PKP1: variants seen among roughly 807,000 people sequenced by gnomAD.
The protein encoded by PKP1 is plakophilin-1.
In PKP1, 27 loss-of-function variants were observed where a neutral mutation model predicts 76.4. The observed-to-expected ratio is 0.35, with a 90% CI of 0.26 to 0.49. The LOEUF (loss-of-function observed/expected upper bound fraction) is 0.49. Ranked by LOEUF, PKP1 falls within the 20% of genes least tolerant of loss-of-function variation. The pLI, the probability that PKP1 is intolerant of heterozygous loss-of-function variation, is 0.99. For synonymous variants in PKP1, 404 were observed against 384.2 expected (o/e 1.05, Z -0.60); for missense variants, 964 against 955.2 (o/e 1.01, Z -0.12).
In PKP1 at chr1:201,328,801, G is replaced by A. The variant is rs763900804; in HGVS notation, c.2146G>A (p.Ala716Thr). Residue 716 changes from alanine (A) to threonine (T), a missense_variant, in exon 13 of 14, where the codon GCC becomes ACC. Physicochemically the swap from Ala to Thr is moderately conservative, Grantham distance 58. Coordinates refer to ENST00000367324, the MANE Select transcript of PKP1 (RefSeq NM_001005337.3). ...GAACATGCTGGGAACCTTAGCTGGG[G>A]CCAACAGCCTCAGGAACTTCACCTC... ...DRNMLGTLAG[A>T]NSLRNFTSRF 7.3e-5 allele frequency: 118 copies of A among 1,614,018 alleles called. No homozygotes were observed. The highest frequency in any genetic ancestry group is 9.7e-5 in the Non-Finnish European group (115 of 1,180,012).
At chr1:201,292,120 A>G (rs1224569473) in intron 1 of PKP1, among the ~76,000 whole-genome samples, 1 of 152,146 alleles carries the variant, frequency 6.6e-6, no homozygotes, top group African/African-American at 2.4e-5. Flanking sequence ...CTCTCAGAGG[A>G]CCCTGAGGCA....
chr1:201,317,854 C>T (rs970343924), intron 5 of PKP1, 75 bp downstream of exon 5: 2 of 1,376,806 alleles, frequency 1.5e-6, no homozygotes, highest in South Asian at 2.4e-5. Context: ...GGCTGGGGTG[C>T]AAGCCTGTCT....
chr1:201,302,990 A>G (rs1656280863), intron 2 of PKP1, among the ~76,000 whole-genome samples: 2 of 152,196 alleles, frequency 1.3e-5, no homozygotes, highest in South Asian at 2.1e-4. Context: ...AGACTGGAGC[A>G]TGGTCTCCTG....
At chr1:201,305,287 G>A (rs1451714662) in intron 2 of PKP1, among the ~76,000 whole-genome samples, 1 of 152,234 alleles carries the variant, frequency 6.6e-6, no homozygotes, top group East Asian at 1.9e-4. Flanking sequence ...GGAGGCTGAG[G>A]CAAGAGGATA....
chr1:201,328,858 T>C lies in PKP1; in HGVS notation c.*22T>C. 6.2e-7 allele frequency: 1 copy of C among 1,600,340 alleles called. No individual in the cohort carries two copies. Among genetic ancestry groups the C allele is most frequent in the Non-Finnish European group, 8.6e-7 (1 of 1,167,394 alleles). On this transcript the variant is annotated 3_prime_UTR_variant, in exon 13 of 14. Coordinates refer to ENST00000367324, the MANE Select transcript of PKP1 (RefSeq NM_001005337.3). ...CTAAGAAGAGACTGTCCAAGCAAGT[T>C]AGGCTTGCAGGTAAGAATCACCCCA...
chr1:201,284,029 A>G lies in PKP1; in HGVS notation c.202+125A>G. 3 of 894,890 alleles carry G rather than the reference A, an allele frequency of 3.4e-6. No homozygotes were observed. The East Asian group carries it at 7.9e-5, about 24-fold the overall frequency. The allele number at this position is 894,890 out of a possible 1,614,324, so 55.4% of individuals were successfully genotyped here. A position where few individuals can be genotyped will look rare whatever the true frequency, so the allele number is the denominator to read the frequency against. On this transcript the variant is annotated intron_variant, in intron 1 of 13. Coordinates refer to ENST00000367324, the MANE Select transcript of PKP1 (RefSeq NM_001005337.3). ...AGGCGAGGGGCTGCCGGCCCCAGGC[A>G]GGGTCTACGCACCTAGTGCGAGCAG...
At chr1:201,300,080 G>A (rs954840947) in intron 2 of PKP1, among the ~76,000 whole-genome samples, 1 of 152,174 alleles carries the variant, frequency 6.6e-6, no homozygotes. Context: ...CCAGCCCTGG[G>A]AGATAGGAGA....
chr1:201,323,030 C>T lies in PKP1; in HGVS notation c.1521C>T (p.Cys507=). ...SDKMMNNNYD[C]PLPEEETNPK... ...ATCCTCAGAACAACAACTATGACTG[C>T]CCCCTGCCTGAGGAAGAGACCAACC... Residue 507 remains cysteine (C), a synonymous_variant, in exon 9 of 14, where the codon TGC becomes TGT. Transcript: ENST00000367324. The T allele has an allele frequency of 6.2e-7, 1 of 1,614,014 alleles. No individual in the cohort carries two copies. The highest frequency in any genetic ancestry group is 1.7e-5 in the Admixed American group (1 of 60,022).
intron 2 of PKP1, among the ~76,000 whole-genome samples, chr1:201,308,734 G>T (rs960228134): frequency 6.6e-6 from 1 of 152,240 alleles, no homozygotes; most frequent in Non-Finnish European, 1.5e-5. Flanking sequence ...CAGGCAGGGT[G>T]GGGCTGGGCT....
At chr1:201,295,004 A>T (rs1656032212) in intron 2 of PKP1, among the ~76,000 whole-genome samples, 1 of 151,964 alleles carries the variant, frequency 6.6e-6, no homozygotes, top group South Asian at 2.1e-4. Context: ...ATTAGCCTGC[A>T]TTATTCTTGG....
chr1:201,319,358 G>T (rs1264775502), intron 6 of PKP1, among the ~76,000 whole-genome samples: 1 of 152,186 alleles, frequency 6.6e-6, no homozygotes, highest in Non-Finnish European at 1.5e-5. Flanking sequence ...GTGTGGAGGG[G>T]CGGCTGGTAC....
At position 201,328,153 on chromosome 1, in the gene PKP1, C is replaced by T. The variant is rs138372257; in HGVS notation, c.2107-609C>T. ...TATTGCTGCATTCAAATCATGCTGT[C>T]CACATTCACTTGGAAGCATGTATTG... is the stretch of plus-strand genomic sequence containing the variant. On this transcript the variant is annotated intron_variant, in intron 12 of 13. Transcript: ENST00000367324. Among the ~76,000 whole-genome samples, 62 of 152,282 alleles carry T rather than the reference C, an allele frequency of 4.1e-4. 1 individual carries two copies. The East Asian group carries it at 0.012, about 29-fold the overall frequency.
In PKP1 at chr1:201,317,861, G is replaced by A. The variant is rs901057819; in HGVS notation, c.1054+82G>A. The A allele has an allele frequency of 4.5e-5, 60 of 1,327,328 alleles. 1 individual carries two copies. The Middle Eastern group carries it at 1.3e-3, about 28-fold the overall frequency. The allele number at this position is 1,327,328 out of a possible 1,614,324, so 82.2% of individuals were successfully genotyped here. A position where few individuals can be genotyped will look rare whatever the true frequency, so the allele number is the denominator to read the frequency against. On this transcript the variant is annotated intron_variant, in intron 5 of 13. Coordinates refer to ENST00000367324, the MANE Select transcript of PKP1 (RefSeq NM_001005337.3). ...TGGCCCCAGGCTGGGGTGCAAGCCT[G>A]TCTCTCCAGGCTGGGCCAAGACACA...
At chr1:201,291,793 G>A (rs1655923070) in intron 1 of PKP1, among the ~76,000 whole-genome samples, 1 of 152,238 alleles carries the variant, frequency 6.6e-6, no homozygotes, top group Non-Finnish European at 1.5e-5. Flanking sequence ...TGGGCTGGGT[G>A]GAAGGGAGGC....
Position 201,312,733 on chromosome 1 carries a change from T to A in PKP1, c.307-433T>A, listed in dbSNP as rs773190964. 2.7e-4 allele frequency among the ~76,000 whole-genome samples: 41 copies of A among 152,308 alleles called. 1 individual carries two copies. Among genetic ancestry groups the A allele is most frequent in the Middle Eastern group, 3.4e-3 (1 of 294 alleles). ...TGAGACTAGCATGGGGCTCTGATACTGGTGCATACACCTTTCCTGGGCTGT... is the reference window on the plus strand; with the variant it reads ...TGAGACTAGCATGGGGCTCTGATACAGGTGCATACACCTTTCCTGGGCTGT... On this transcript the variant is annotated intron_variant, in intron 2 of 13. Coordinates refer to ENST00000367324, the MANE Select transcript of PKP1 (RefSeq NM_001005337.3).
chr1:201,296,446 G>A (rs1273048071), intron 2 of PKP1, among the ~76,000 whole-genome samples: 1 of 152,228 alleles, frequency 6.6e-6, no homozygotes, highest in Non-Finnish European at 1.5e-5. Context: ...AGAAGGCAGG[G>A]AGGGTGGGGA....
chr1:201,317,475 T>C (rs1656787360), intron 4 of PKP1, 97 bp from the exon 5 acceptor site: 7 of 937,326 alleles, frequency 7.5e-6, no homozygotes, highest in South Asian at 7.1e-5. Context: ...AACTGATAGA[T>C]TTTTTGGTCT....
At chr1:201,292,713 G>A (rs781410817) in intron 1 of PKP1, among the ~76,000 whole-genome samples, 1 of 152,182 alleles carries the variant, frequency 6.6e-6, no homozygotes, top group Non-Finnish European at 1.5e-5. Flanking sequence ...CCACAGACAG[G>A]GTTTCCGATG....
chr1:201,295,444 C>G (rs2102156304), intron 2 of PKP1, among the ~76,000 whole-genome samples: 1 of 152,284 alleles, frequency 6.6e-6, no homozygotes, highest in South Asian at 2.1e-4. Context: ...ACTGACAGAT[C>G]AAGCACAGAT....
Sources: allele counts gnomAD v4.1 joint callset (sites outside exome capture counted in the v4.1 genomes callset), GRCh38; gene constraint gnomAD v4.1.1; transcripts MANE v1.5; gene names NCBI Gene and HGNC (gene_info 2026-07-23, HGNC 2026-07-21).